CREB3L1: variants seen among roughly 807,000 people sequenced by gnomAD.
The protein encoded by CREB3L1 is cAMP responsive element binding protein 3 like 1, also known as cyclic AMP-responsive element-binding protein 3-like protein 1.
A neutral mutation model predicts 54.5 loss-of-function variants in CREB3L1; 33 were observed. That is an observed-to-expected ratio of 0.61 (90% CI 0.46 to 0.81). CREB3L1 has a LOEUF of 0.81. CREB3L1 is among the 30% of genes least tolerant of loss of function. The pLI is 0.00. For synonymous variants in CREB3L1, 284 were observed against 286.4 expected (o/e 0.99, Z 0.08); for missense variants, 656 against 673.3 (o/e 0.97, Z 0.29).
At chr11:46,280,567 A>G (rs1191289201) in intron 1 of CREB3L1, among the ~76,000 whole-genome samples, 2 of 152,170 alleles carry the variant, frequency 1.3e-5, no homozygotes, top group Non-Finnish European at 2.9e-5. Flanking sequence ...CATTACTGTA[A>G]GCATTTCGAG....
In CREB3L1 at chr11:46,295,623, G is replaced by A. The variant is rs952009710; in HGVS notation, c.103-4312G>A. On this transcript the variant is annotated intron_variant, in intron 1 of 11. Transcript: ENST00000621158. This position sits in a 1 kb window ranked among gnomAD's most constrained non-coding sequence, Gnocchi z 4.6. ...CTCCGCGCGAGCCCTGCACTCCTCCGGTGCCCTCCACGCCGCCACCGGCTG... is the reference window on the plus strand; with the variant it reads ...CTCCGCGCGAGCCCTGCACTCCTCCAGTGCCCTCCACGCCGCCACCGGCTG... Among the ~76,000 whole-genome samples, 2 of 152,126 alleles carry A rather than the reference G, an allele frequency of 1.3e-5. No homozygotes were observed. The highest frequency in any genetic ancestry group is 2.4e-5 in the African/African-American group (1 of 41,420).
At chr11:46,301,253 A>C (rs535389509) in intron 2 of CREB3L1, among the ~76,000 whole-genome samples, 6 of 151,926 alleles carry the variant, frequency 3.9e-5, no homozygotes, top group Non-Finnish European at 8.8e-5. Context: ...AGGCACAAGA[A>C]CTGCTTGAAC....
intron 1 of CREB3L1, among the ~76,000 whole-genome samples, chr11:46,282,710 A>G (rs930440050): frequency 6.6e-6 from 1 of 152,132 alleles, no homozygotes; most frequent in Non-Finnish European, 1.5e-5. Context: ...TCTAGCCCTT[A>G]ACCCAGTTTG....
chr11:46,290,685 G>A (rs1329521870), intron 1 of CREB3L1, among the ~76,000 whole-genome samples: 1 of 151,844 alleles, frequency 6.6e-6, no homozygotes, highest in Non-Finnish European at 1.5e-5. Context: ...CTGTGGCACG[G>A]TGCCAGAGGG....
chr11:46,320,622 C>T (rs1939636562), intron 11 of CREB3L1, 88 bp from the exon 12 acceptor site: 3 of 1,550,782 alleles, frequency 1.9e-6, no homozygotes, highest in Non-Finnish European at 1.7e-6. Flanking sequence ...CCTCCCAAGG[C>T]CCCATCCCTA....
rs775995889 is a variant in CREB3L1, at chr11:46,307,929, G to A, written c.445G>A (p.Ala149Thr). 6.4e-7 allele frequency: 1 copy of A among 1,562,032 alleles called. No homozygotes were observed. Among genetic ancestry groups the A allele is most frequent in the Non-Finnish European group, 8.6e-7 (1 of 1,156,104 alleles). Residue 149 changes from alanine (A) to threonine (T), a missense_variant, in exon 3 of 12, where the codon GCC becomes ACC. This residue lies in a region of CREB3L1 where 339 missense variants were observed against 331.5 expected (regional missense o/e 1.02). Transcript: ENST00000621158. ...TCTGGCTGCCCCCTCGGCCATGGCT[G>A]CCGCGGCCGCCATGGCCACCACCCC... The part of the protein sequence containing the change: ...DPLAAPSAMA[A>T]AAAMATTPLL...
At chr11:46,283,631 G>A (rs962002046) in intron 1 of CREB3L1, among the ~76,000 whole-genome samples, 1 of 152,116 alleles carries the variant, frequency 6.6e-6, no homozygotes, top group Non-Finnish European at 1.5e-5. Context: ...TGTAATTCCA[G>A]TACTTTGGGA....
intron 1 of CREB3L1, among the ~76,000 whole-genome samples, chr11:46,292,630 A>G (rs1196363562): frequency 3.3e-5 from 5 of 152,114 alleles, no homozygotes; most frequent in Non-Finnish European, 7.4e-5. Flanking sequence ...AAGTTTTAGA[A>G]GATCCCGTTT....
chr11:46,285,399 C>A (rs1939041238), intron 1 of CREB3L1, among the ~76,000 whole-genome samples: 1 of 152,098 alleles, frequency 6.6e-6, no homozygotes, highest in African/African-American at 2.4e-5. Flanking sequence ...CCTGGGGAAG[C>A]CAGACTGAAT....
chr11:46,319,352 A>T (rs757659849), intron 10 of CREB3L1, among the ~76,000 whole-genome samples: 22 of 152,156 alleles, frequency 1.4e-4, no homozygotes, highest in Non-Finnish European at 3.1e-4. Context: ...CCCTTCAGGG[A>T]GGACAATTTC....
chr11:46,312,720 C>T (rs779013805), intron 7 of CREB3L1, 50 bp downstream of exon 7: 11 of 1,576,538 alleles, frequency 7.0e-6, no homozygotes, highest in Non-Finnish European at 9.5e-6. Flanking sequence ...CTGACCTGCC[C>T]TCCCCTAGGC....
rs968589373 is a variant in CREB3L1 at position 46,315,889 on chromosome 11, C to T, written c.1032-397C>T. On this transcript the variant is annotated intron_variant, in intron 8 of 11. Transcript: ENST00000621158. Reference sequence around the variant, plus strand: ...CATTTACTAGACACTCACTACATACCAGGCACTGTGCCAAACAGCTCCTTC... The same window carrying T: ...CATTTACTAGACACTCACTACATACTAGGCACTGTGCCAAACAGCTCCTTC... 12 of 196,608 alleles carry T rather than the reference C, an allele frequency of 6.1e-5. No individual in the cohort carries two copies. In the East Asian group the frequency reaches 7.5e-4, roughly 12 times the overall value. The allele number at this position is 196,608 out of a possible 1,614,324, so 12.2% of individuals were successfully genotyped here. A position where few individuals can be genotyped will look rare whatever the true frequency, so the allele number is the denominator to read the frequency against.
chr11:46,284,552 G>T (rs566504383), intron 1 of CREB3L1, among the ~76,000 whole-genome samples: 94 of 152,066 alleles, frequency 6.2e-4, no homozygotes, highest in Non-Finnish European at 9.9e-4. Flanking sequence ...TACTTGGGAG[G>T]CTGAGCCAGG....
chr11:46,281,987 A>C (rs1938982733), intron 1 of CREB3L1, among the ~76,000 whole-genome samples: 1 of 152,150 alleles, frequency 6.6e-6, no homozygotes, highest in Non-Finnish European at 1.5e-5. Flanking sequence ...ACTCTATCAA[A>C]ACATTAAGTT....
At chr11:46,306,132 C>T (rs1007519515) in intron 2 of CREB3L1, among the ~76,000 whole-genome samples, 1 of 152,174 alleles carries the variant, frequency 6.6e-6, no homozygotes, top group Admixed American at 6.5e-5. Context: ...CAGCCTTGAA[C>T]TCTTGGGCTC....
intron 2 of CREB3L1, among the ~76,000 whole-genome samples, chr11:46,304,526 C>T (rs778703952): frequency 2.4e-4 from 37 of 152,088 alleles, no homozygotes; most frequent in Non-Finnish European, 2.4e-4. Context: ...CTGTGCTCAG[C>T]GCAAGAAGTG....
intron 1 of CREB3L1, among the ~76,000 whole-genome samples, chr11:46,283,474 A>T (rs1340315817): frequency 6.6e-6 from 1 of 152,204 alleles, no homozygotes; most frequent in Non-Finnish European, 1.5e-5. Flanking sequence ...ACAGAAGTCA[A>T]GTTTGGGTCA....
intron 1 of CREB3L1, among the ~76,000 whole-genome samples, chr11:46,291,617 G>A (rs934026069): frequency 4.6e-5 from 7 of 152,114 alleles, no homozygotes; most frequent in South Asian, 2.1e-4. Context: ...TCTTTTGGCC[G>A]TTGCAGGGCT....
intron 3 of CREB3L1, among the ~76,000 whole-genome samples, chr11:46,309,084 C>T (rs1400629415): frequency 3.3e-5 from 5 of 152,202 alleles, no homozygotes; most frequent in Non-Finnish European, 5.9e-5. Flanking sequence ...TAGTGGAAGG[C>T]ACAGGAGCTG....
Sources: allele counts gnomAD v4.1 joint callset (sites outside exome capture counted in the v4.1 genomes callset), GRCh38; gene constraint gnomAD v4.1.1; regional missense constraint gnomAD v4.1.1; non-coding constraint Gnocchi (gnomAD v3.1); transcripts MANE v1.5; gene names NCBI Gene and HGNC (gene_info 2026-07-23, HGNC 2026-07-21).